Variants in ARHGAP12 observed in about 807,000 individuals in gnomAD.
ARHGAP12 encodes the protein Rho GTPase activating protein 12.
In ARHGAP12, 64 loss-of-function variants were observed where a neutral mutation model predicts 108.6. The ratio of observed to expected loss-of-function variants is 0.59; its 90% CI spans 0.48 to 0.73. The LOEUF (loss-of-function observed/expected upper bound fraction) is 0.73. Ranked by LOEUF, ARHGAP12 falls within the 30% of genes least tolerant of loss-of-function variation. The pLI is 0.00. For missense variants in ARHGAP12, 940 were observed against 1,005.9 expected (o/e 0.93, Z 0.89); for synonymous variants, 312 against 337.2 (o/e 0.93, Z 0.82).
chr10:31,825,540 G>A (rs997471703), intron 11 of ARHGAP12, among the ~76,000 whole-genome samples: 1 of 152,102 alleles, frequency 6.6e-6, no homozygotes, highest in Non-Finnish European at 1.5e-5. Context: ...CCACTTGGTA[G>A]CTGTAAGACC....
At chr10:31,915,772 GT>G (rs1839530262) in intron 1 of ARHGAP12, among the ~76,000 whole-genome samples, 4 of 151,834 alleles carry the variant, frequency 2.6e-5, no homozygotes, top group Non-Finnish European at 4.4e-5. Flanking sequence ...AATAATTTAC[GT>G]TTAAAAAAAT....
intron 12 of ARHGAP12, among the ~76,000 whole-genome samples, chr10:31,820,021 T>C (rs1012372381): frequency 4.8e-4 from 73 of 151,788 alleles, no homozygotes; most frequent in African/African-American, 1.7e-3. Flanking sequence ...GAAGAAGATA[T>C]AGAGATATCC....
At chr10:31,879,286 CCT>C (rs756044851) in intron 3 of ARHGAP12, among the ~76,000 whole-genome samples, 4 of 152,048 alleles carry the variant, frequency 2.6e-5, no homozygotes, top group Admixed American at 6.6e-5. Context: ...GTGGCACACC[CCT>C]GTGTTCCCAG....
chr10:31,833,299 A>G (rs1377275344), intron 9 of ARHGAP12, among the ~76,000 whole-genome samples: 1 of 150,912 alleles, frequency 6.6e-6, no homozygotes, highest in African/African-American at 2.4e-5. Context: ...GTGGGAATTA[A>G]GCCCATTTTA....
In ARHGAP12 at chr10:31,908,350, G is replaced by A. The variant is rs267602472; in HGVS notation, c.506C>T (p.Ser169Phe). The part of the protein sequence containing the change: ...FNNDSHSPKV[S>F]SQNRTRSFGH... ...AAATGAGCGTGTCCTATTCTGGCTG[G>A]AAACTTTAGGAGAATGTGAGTCATT... Residue 169 changes from serine (S) to phenylalanine (F), a missense_variant, in exon 3 of 20, where the codon TCC (serine) becomes TTC (phenylalanine). Ser to Phe is a radical substitution (Grantham distance 155). Transcript: ENST00000344936. 1 of 1,614,160 alleles carries A rather than the reference G, an allele frequency of 6.2e-7. No homozygotes were observed. Among genetic ancestry groups the A allele is most frequent in the Non-Finnish European group, 8.5e-7 (1 of 1,180,046 alleles).
intron 1 of ARHGAP12, among the ~76,000 whole-genome samples, chr10:31,920,520 C>G (rs983396162): frequency 6.7e-6 from 1 of 148,630 alleles, no homozygotes; most frequent in Non-Finnish European, 1.5e-5. Flanking sequence ...TGAACTATTA[C>G]CAATCCCTCA....
chr10:31,841,162 T>C (rs1055500666), intron 7 of ARHGAP12, among the ~76,000 whole-genome samples: 3 of 152,168 alleles, frequency 2.0e-5, no homozygotes, highest in African/African-American at 7.2e-5. Flanking sequence ...ATTTTACATG[T>C]ATACATTTAT....
chr10:31,850,268 T>C (rs1219580434), intron 6 of ARHGAP12, among the ~76,000 whole-genome samples: 1 of 152,228 alleles, frequency 6.6e-6, no homozygotes, highest in Non-Finnish European at 1.5e-5. Context: ...ATAACCTAAA[T>C]CGTTTTCAGT....
At chr10:31,808,773 A>T (rs371681711) in intron 18 of ARHGAP12, 22 bp from the exon 19 acceptor site, 2 of 1,607,974 alleles carry the variant, frequency 1.2e-6, no homozygotes, top group East Asian at 2.2e-5. Context: ...TAATAACCAG[A>T]TATTTTACAG....
intron 3 of ARHGAP12, among the ~76,000 whole-genome samples, chr10:31,887,778 C>A (rs1223543303): frequency 6.6e-6 from 1 of 151,790 alleles, no homozygotes; most frequent in African/African-American, 2.4e-5. Context: ...CTGCCTCAGC[C>A]TCCCAAGTAG....
intron 3 of ARHGAP12, among the ~76,000 whole-genome samples, chr10:31,872,701 G>A (rs749839578): frequency 2.0e-5 from 3 of 152,138 alleles, no homozygotes; most frequent in East Asian, 1.9e-4. Context: ...ATCTGATATC[G>A]TTACTCATCT....
chr10:31,830,725 C>CA (rs1378588593), intron 10 of ARHGAP12, among the ~76,000 whole-genome samples: 2 of 151,884 alleles, frequency 1.3e-5, no homozygotes, highest in African/African-American at 4.8e-5. Flanking sequence ...ACACATTAAC[C>CA]AAAAAATCCA....
chr10:31,847,526 G>T (rs1416421291), intron 6 of ARHGAP12, among the ~76,000 whole-genome samples: 1 of 152,166 alleles, frequency 6.6e-6, no homozygotes, highest in African/African-American at 2.4e-5. Flanking sequence ...GTTAATTCTG[G>T]TTGTTTTCAT....
intron 12 of ARHGAP12, among the ~76,000 whole-genome samples, chr10:31,819,070 T>A (rs1414063853): frequency 6.6e-6 from 1 of 151,952 alleles, no homozygotes; most frequent in African/African-American, 2.4e-5. Flanking sequence ...AACAAAAAAA[T>A]TGTAATTATC....
chr10:31,866,500 G>A (rs1564399344), intron 3 of ARHGAP12, among the ~76,000 whole-genome samples: 2 of 152,006 alleles, frequency 1.3e-5, no homozygotes. Flanking sequence ...CCAGCAAGGG[G>A]AAATCCAGAG....
intron 13 of ARHGAP12, among the ~76,000 whole-genome samples, chr10:31,816,462 T>A (rs1311639423): frequency 6.6e-6 from 1 of 152,182 alleles, no homozygotes; most frequent in Non-Finnish European, 1.5e-5. Context: ...TCTAGGAAAG[T>A]GCAGTATCTG....
At chr10:31,844,097 T>C (rs1406617230) in intron 6 of ARHGAP12, among the ~76,000 whole-genome samples, 2 of 152,196 alleles carry the variant, frequency 1.3e-5, no homozygotes, top group Admixed American at 1.3e-4. Flanking sequence ...GTTCTTTACA[T>C]GTTCTGGATT....
chr10:31,900,970 C>CT (rs1379707656), intron 3 of ARHGAP12, among the ~76,000 whole-genome samples: 1 of 152,156 alleles, frequency 6.6e-6, no homozygotes, highest in Non-Finnish European at 1.5e-5. Flanking sequence ...AATCCCAGCA[C>CT]TTTGAGAGGC....
intron 11 of ARHGAP12, among the ~76,000 whole-genome samples, chr10:31,820,848 T>C (rs1835390827): frequency 6.6e-6 from 1 of 151,732 alleles, no homozygotes; most frequent in African/African-American, 2.4e-5. Flanking sequence ...GGATATAAAC[T>C]GGAACTACTC....
Sources: gnomAD v4.1 joint callset for allele counts (sites outside exome capture counted in the v4.1 genomes callset) on GRCh38, gnomAD v4.1.1 for gene constraint, MANE v1.5 for transcripts, NCBI Gene and HGNC (gene_info 2026-07-23, HGNC 2026-07-21) for gene names.